The following TEAD1 variants were observed in gnomAD, a reference collection of about 807,000 sequenced individuals.
TEAD1 encodes TEA domain transcription factor 1.
TEAD1 carries 9 observed loss-of-function variants against 54.9 expected under a neutral mutation model. That is an observed-to-expected ratio of 0.16 (90% CI 0.10 to 0.29). The LOEUF (loss-of-function observed/expected upper bound fraction) is 0.29, where lower values mean the gene tolerates loss of function less well. Among genes scored for constraint, TEAD1 ranks in the 10% least tolerant of loss-of-function variants. The probability of loss-of-function intolerance (pLI) is 1.00; values close to 1 mark genes in which losing one functional copy is unlikely to be tolerated. For missense variants in TEAD1, 387 were observed against 535.9 expected, an observed-to-expected ratio of 0.72 and a Z score of 2.74; for synonymous variants, 200 against 187.8, an observed-to-expected ratio of 1.07 and a Z score of -0.53.
intron 2 of TEAD1, among the ~76,000 whole-genome samples, chr11:12,711,425 A>T (rs1291574200): frequency 6.6e-6 from 1 of 152,210 alleles, no homozygotes; most frequent in African/African-American, 2.4e-5. Flanking sequence ...CCTGAGGTCA[A>T]ACCCTGGTCT....
At chr11:12,784,903 G>C (rs1348260681) in intron 3 of TEAD1, among the ~76,000 whole-genome samples, 1 of 152,230 alleles carries the variant, frequency 6.6e-6, no homozygotes, top group Admixed American at 6.5e-5. Flanking sequence ...CGCTTGAGAA[G>C]TGCAGGGTGA....
intron 5 of TEAD1, among the ~76,000 whole-genome samples, chr11:12,877,755 C>G (rs1298391818): frequency 3.3e-5 from 5 of 150,926 alleles, no homozygotes; most frequent in Non-Finnish European, 7.4e-5. Flanking sequence ...CCTCCTTCCC[C>G]TTTTCTCCCT....
At chr11:12,730,441 T>TTTC (rs1159202103) in intron 2 of TEAD1, among the ~76,000 whole-genome samples, 36 of 122,624 alleles carry the variant, frequency 2.9e-4, no homozygotes, top group Non-Finnish European at 5.1e-4. Flanking sequence ...TTTTTTTTTT[T>TTTC]TCCTAACGGT....
chr11:12,834,865 C>T (rs1946855475), intron 3 of TEAD1, among the ~76,000 whole-genome samples: 1 of 151,952 alleles, frequency 6.6e-6, no homozygotes, highest in Non-Finnish European at 1.5e-5. Flanking sequence ...TATCCTCCTG[C>T]CTTGGCCTCC....
At chr11:12,748,612 G>A (rs879650773) in intron 2 of TEAD1, among the ~76,000 whole-genome samples, 6 of 152,088 alleles carry the variant, frequency 3.9e-5, no homozygotes, top group Admixed American at 1.3e-4. Context: ...GGAGACACTC[G>A]CTAAAAATAT....
At chr11:12,791,894 A>G (rs1945809588) in intron 3 of TEAD1, among the ~76,000 whole-genome samples, 1 of 152,230 alleles carries the variant, frequency 6.6e-6, no homozygotes, top group African/African-American at 2.4e-5. Flanking sequence ...ATGCAAAACA[A>G]GTTAAACCAA....
intron 3 of TEAD1, among the ~76,000 whole-genome samples, chr11:12,791,585 C>T (rs961061095): frequency 3.3e-5 from 5 of 152,042 alleles, no homozygotes; most frequent in Non-Finnish European, 4.4e-5. Context: ...TGATGGGTTG[C>T]AGGTGGGTGC....
intron 3 of TEAD1, among the ~76,000 whole-genome samples, chr11:12,844,436 C>T (rs1337776441): frequency 6.6e-6 from 1 of 152,138 alleles, no homozygotes; most frequent in African/African-American, 2.4e-5. Flanking sequence ...GGTAAAATCA[C>T]ATTATTCAGT....
At chr11:12,743,620 T>G (rs1300481530) in intron 2 of TEAD1, among the ~76,000 whole-genome samples, 1 of 152,246 alleles carries the variant, frequency 6.6e-6, no homozygotes, top group Non-Finnish European at 1.5e-5. Context: ...TAATAACTGT[T>G]AATTTTTGGT....
At chr11:12,749,759 A>G in intron 2 of TEAD1, among the ~76,000 whole-genome samples, 1 of 152,198 alleles carries the variant, frequency 6.6e-6, no homozygotes. Flanking sequence ...CAGGTGCTCC[A>G]GTAATATTTG....
intron 2 of TEAD1, among the ~76,000 whole-genome samples, chr11:12,739,909 A>G (rs1944617895): frequency 6.6e-6 from 1 of 152,366 alleles, no homozygotes; most frequent in Admixed American, 6.5e-5. Flanking sequence ...AGTTGTATGT[A>G]TAAAGTACTG....
intron 10 of TEAD1, among the ~76,000 whole-genome samples, chr11:12,903,387 A>G (rs1434442688): frequency 6.6e-6 from 1 of 152,268 alleles, no homozygotes; most frequent in Admixed American, 6.5e-5. Context: ...AGATGTGAGA[A>G]CAAATGGATG....
At chr11:12,927,548 T>G (rs948876400) in intron 11 of TEAD1, among the ~76,000 whole-genome samples, 8 of 152,190 alleles carry the variant, frequency 5.3e-5, no homozygotes, top group Non-Finnish European at 8.8e-5. Flanking sequence ...TTCCAAATAA[T>G]TCAATCACTT....
chr11:12,803,419 ATTGT>A (rs759716568), intron 3 of TEAD1, among the ~76,000 whole-genome samples: 4 of 152,216 alleles, frequency 2.6e-5, no homozygotes, highest in Admixed American at 6.5e-5. Flanking sequence ...GTTTAAGTTC[ATTGT>A]TTGTGGGAAG....
intron 5 of TEAD1, among the ~76,000 whole-genome samples, chr11:12,876,002 G>A (rs189424230): frequency 7.9e-5 from 12 of 152,310 alleles, no homozygotes; most frequent in Non-Finnish European, 1.5e-5. Flanking sequence ...ATTAATGTCA[G>A]GCAGGGACAG....
chr11:12,813,464 G>A (rs1946348506), intron 3 of TEAD1, among the ~76,000 whole-genome samples: 1 of 152,132 alleles, frequency 6.6e-6, no homozygotes, highest in Non-Finnish European at 1.5e-5. Flanking sequence ...CCAAATGTGG[G>A]CCTGGGAAAA....
chr11:12,807,600 A>G (rs1167316750), intron 3 of TEAD1, among the ~76,000 whole-genome samples: 1 of 152,230 alleles, frequency 6.6e-6, no homozygotes, highest in Admixed American at 6.5e-5. Context: ...CACATAGTTA[A>G]CATTCAATAA....
At chr11:12,730,337 A>G (rs1419452347) in intron 2 of TEAD1, among the ~76,000 whole-genome samples, 1 of 150,904 alleles carries the variant, frequency 6.6e-6, no homozygotes, top group African/African-American at 2.4e-5. Context: ...AGGCTTCTAG[A>G]GATTAAAGTG....
intron 2 of TEAD1, among the ~76,000 whole-genome samples, chr11:12,756,939 C>T (rs1021363701): frequency 6.6e-6 from 1 of 152,186 alleles, no homozygotes; most frequent in Non-Finnish European, 1.5e-5. Context: ...GGAAGTAAAG[C>T]ACCTTTTTTC....
Sources: allele counts gnomAD v4.1 joint callset (sites outside exome capture counted in the v4.1 genomes callset), GRCh38; gene constraint gnomAD v4.1.1; transcripts MANE v1.5; gene names NCBI Gene and HGNC (gene_info 2026-07-23, HGNC 2026-07-21).